Variants in NFIB observed in about 807,000 individuals in gnomAD.
NFIB encodes nuclear factor I B.
NFIB carries 11 observed loss-of-function variants against 61.5 expected under a neutral mutation model. That is an observed-to-expected ratio of 0.18 (90% CI 0.11 to 0.30). The LOEUF is 0.30. Among genes scored for constraint, NFIB ranks in the 10% least tolerant of loss-of-function variants. The probability of loss-of-function intolerance (pLI) is 1.00; values close to 1 mark genes in which losing one functional copy is unlikely to be tolerated. For synonymous variants in NFIB, 260 were observed against 216.5 expected, an observed-to-expected ratio of 1.20 and a Z score of -1.76; for missense variants, 471 against 608.9, an observed-to-expected ratio of 0.77 and a Z score of 2.38.
intron 2 of NFIB, among the ~76,000 whole-genome samples, chr9:14,184,311 G>C (rs1434259599): frequency 6.6e-6 from 1 of 152,140 alleles, no homozygotes; most frequent in Non-Finnish European, 1.5e-5. Flanking sequence ...TAGTTTAAAT[G>C]TTTCTGGGAA....
chr9:14,313,280 G>T lies in NFIB; in HGVS notation c.30+202C>A, dbSNP rs2060375713. Among the ~76,000 whole-genome samples the T allele has an allele frequency of 1.3e-5, 2 of 151,530 alleles. No individual in the cohort carries two copies. On this transcript the variant is annotated intron_variant, in intron 1 of 10. Transcript: ENST00000380953. This position sits in a 1 kb window ranked among gnomAD's most constrained non-coding sequence, Gnocchi z 4.5. ...CCCGCGCTCCGTGCCCAGGGCGCGG[G>T]GCTGGGCGCTCGCAGTGGCCGTGGC...
At chr9:14,376,554 T>C (rs572416645) in intron 1 of NFIB, among the ~76,000 whole-genome samples, 1 of 151,240 alleles carries the variant, frequency 6.6e-6, no homozygotes, top group African/African-American at 2.4e-5. Context: ...TTTCACTCTG[T>C]CGTTCAGGGT....
chr9:14,189,671 G>A (rs899834094), intron 2 of NFIB, among the ~76,000 whole-genome samples: 2 of 150,518 alleles, frequency 1.3e-5, no homozygotes, highest in Non-Finnish European at 2.9e-5. Context: ...GTAATTGAAG[G>A]GCTGGGTTAG....
At chr9:14,364,508 C>G (rs2061277259) in intron 1 of NFIB, among the ~76,000 whole-genome samples, 1 of 152,112 alleles carries the variant, frequency 6.6e-6, no homozygotes, top group Non-Finnish European at 1.5e-5. Flanking sequence ...TGAGAAAATA[C>G]CTAATAATTA....
chr9:14,229,162 C>T (rs1181164684), intron 2 of NFIB, among the ~76,000 whole-genome samples: 1 of 152,170 alleles, frequency 6.6e-6, no homozygotes, highest in African/African-American at 2.4e-5. Context: ...CAGGTAATCT[C>T]CAACTTACTA....
chr9:14,387,347 G>A (rs1262054711), intron 1 of NFIB, among the ~76,000 whole-genome samples: 2 of 152,194 alleles, frequency 1.3e-5, no homozygotes, highest in African/African-American at 4.8e-5. Flanking sequence ...ATGCAACCAT[G>A]AGCCTCACAT....
At chr9:14,116,107 G>T in intron 9 of NFIB, 101 bp downstream of exon 9, 1 of 1,287,906 alleles carries the variant, frequency 7.8e-7, no homozygotes. Context: ...AAAAATTGCC[G>T]TGTTTTCCAC....
the NFIB span, among the ~76,000 whole-genome samples, chr9:14,427,934 G>GTTTTTTTTTTTTTTTTTTTTT: frequency 5.1e-3 from 132 of 25,972 alleles, 13 homozygotes; most frequent in Non-Finnish European, 8.9e-3. Flanking sequence ...CTTTAATTCA[G>GTTTTTTTTTTTTTTTTTTTTT]TTGTTTTTTT....
chr9:14,306,217 A>G (rs555061941), intron 2 of NFIB, among the ~76,000 whole-genome samples: 1 of 152,162 alleles, frequency 6.6e-6, no homozygotes, highest in African/African-American at 2.4e-5. Context: ...TAACCAGTCC[A>G]CTTTCTGTTT....
chr9:14,444,441 A>G, the NFIB span, among the ~76,000 whole-genome samples: 1 of 152,204 alleles, frequency 6.6e-6, no homozygotes, highest in African/African-American at 2.4e-5. Context: ...ATGGAAAGCA[A>G]TAAAAATAGA....
At chr9:14,286,917 G>C (rs1436122537) in intron 2 of NFIB, among the ~76,000 whole-genome samples, 1 of 152,130 alleles carries the variant, frequency 6.6e-6, no homozygotes, top group African/African-American at 2.4e-5. Flanking sequence ...CTGAACTAAA[G>C]AATCAACAAA....
At chr9:14,470,160 G>C in the NFIB span, among the ~76,000 whole-genome samples, 12 of 152,180 alleles carry the variant, frequency 7.9e-5, no homozygotes, top group African/African-American at 2.9e-4. Flanking sequence ...ACTAAAATGA[G>C]TTCATGCAGG....
In NFIB at chr9:14,306,469, A is replaced by G. The variant is rs2181404; in HGVS notation, c.562+520T>C. 3.1e-4 allele frequency among the ~76,000 whole-genome samples: 47 copies of G among 152,322 alleles called. 1 individual carries two copies. In the South Asian group the frequency reaches 9.3e-3, roughly 30 times the overall value. ...ATATACTTTTGATATTATCTATCTT[A>G]AGCATTTTGTAATAGTAAACATTAG... is the stretch of plus-strand genomic sequence containing the variant. On this transcript the variant is annotated intron_variant, in intron 2 of 10. Transcript: ENST00000380953.
chr9:14,236,697 G>A (rs548403487), intron 2 of NFIB, among the ~76,000 whole-genome samples: 4 of 152,182 alleles, frequency 2.6e-5, no homozygotes, highest in African/African-American at 9.6e-5. Context: ...TTCATGTGGT[G>A]TCATTGTTTC....
chr9:14,291,274 C>T (rs893868294), intron 2 of NFIB, among the ~76,000 whole-genome samples: 1 of 152,034 alleles, frequency 6.6e-6, no homozygotes, highest in East Asian at 1.9e-4. Flanking sequence ...CACTCGAGGT[C>T]AGGTGTTCAC....
At chr9:14,322,167 C>G (rs2060677055) in intron 1 of NFIB, 3 of 1,196,114 alleles carry the variant, frequency 2.5e-6, no homozygotes, top group African/African-American at 1.6e-5. Context: ...GTTCTTGGCC[C>G]GAGAAGAAAA....
the NFIB span, among the ~76,000 whole-genome samples, chr9:14,482,283 G>C: frequency 6.6e-6 from 1 of 152,052 alleles, no homozygotes; most frequent in Non-Finnish European, 1.5e-5. Flanking sequence ...ACAGTGCCCT[G>C]ACCAAGGGCA....
At chr9:14,204,059 T>C (rs1239292698) in intron 2 of NFIB, among the ~76,000 whole-genome samples, 1 of 152,226 alleles carries the variant, frequency 6.6e-6, no homozygotes, top group Middle Eastern at 3.2e-3. Context: ...ATAATCTCTA[T>C]CAAAGCATAC....
chr9:14,515,767 C>T, the NFIB span, among the ~76,000 whole-genome samples: 1 of 152,168 alleles, frequency 6.6e-6, no homozygotes, highest in Non-Finnish European at 1.5e-5. Context: ...GGGGTGGGGC[C>T]TGAGTTTCTG....
Sources: allele counts gnomAD v4.1 joint callset (sites outside exome capture counted in the v4.1 genomes callset), GRCh38; gene constraint gnomAD v4.1.1; non-coding constraint Gnocchi (gnomAD v3.1); transcripts MANE v1.5; gene names NCBI Gene and HGNC (gene_info 2026-07-23, HGNC 2026-07-21).